Variants in ARHGAP32 observed in about 807,000 individuals in gnomAD.
The protein encoded by ARHGAP32 is rho GTPase-activating protein 32.
A neutral mutation model predicts 186.5 loss-of-function variants in ARHGAP32; 51 were observed. The ratio of observed to expected loss-of-function variants is 0.27; its 90% CI spans 0.22 to 0.35. The LOEUF (loss-of-function observed/expected upper bound fraction) is 0.35. Ranked by LOEUF, ARHGAP32 falls within the 10% of genes least tolerant of loss-of-function variation. ARHGAP32 has a pLI of 1.00. For missense variants in ARHGAP32, 2,186 were observed against 2,623.5 expected, an observed-to-expected ratio of 0.83 and a Z score of 3.64; for synonymous variants, 950 against 964.3, an observed-to-expected ratio of 0.99 and a Z score of 0.27.
intron 3 of ARHGAP32, among the ~76,000 whole-genome samples, chr11:129,124,427 T>C (rs1361792121): frequency 6.6e-6 from 1 of 152,102 alleles, no homozygotes; most frequent in East Asian, 1.9e-4. Flanking sequence ...ACTCTTGGCA[T>C]CTACTTCATG....
Position 128,973,137 on chromosome 11 carries a change from G to A in ARHGAP32, c.3369C>T (p.Leu1123=). 6.2e-7 allele frequency: 1 copy of A among 1,614,192 alleles called. No individual in the cohort carries two copies. The highest frequency in any genetic ancestry group is 8.5e-7 in the Non-Finnish European group (1 of 1,180,038). ...QTDRPAEQFH[L]QNNAPGNCDH... is the part of the protein sequence containing the mutation. ...CACAGTTTCCTGGTGCATTATTCTG[G>A]AGGTGGAACTGCTCTGCTGGTCGAT... Residue 1123 remains leucine, a synonymous_variant, in exon 22 of 23, where the codon CTC becomes CTT. Coordinates refer to ENST00000682385, the MANE Select transcript of ARHGAP32 (RefSeq NM_001378024.1).
chr11:129,139,232 A>G (rs1942997437), intron 2 of ARHGAP32, among the ~76,000 whole-genome samples: 1 of 152,132 alleles, frequency 6.6e-6, no homozygotes, highest in Non-Finnish European at 1.5e-5. Context: ...AGCAAAACTC[A>G]TCATAAAGGT....
intron 2 of ARHGAP32, among the ~76,000 whole-genome samples, chr11:129,143,623 C>CACAAACTAGATGTTTATTTTG (rs1313587610): frequency 5.3e-5 from 8 of 151,988 alleles, no homozygotes; most frequent in Admixed American, 2.6e-4. Context: ...ATAATAGCCC[C>CACAAACTAGATGTTTATTTTG]AAAGCACAAG....
At chr11:129,058,911 T>C (rs929884978) in intron 10 of ARHGAP32, among the ~76,000 whole-genome samples, 6 of 152,094 alleles carry the variant, frequency 3.9e-5, no homozygotes, top group African/African-American at 1.4e-4. Flanking sequence ...CTAACAAAGG[T>C]AGGGGACATC....
chr11:129,001,679 C>T (rs911478354), intron 11 of ARHGAP32, among the ~76,000 whole-genome samples: 1 of 152,136 alleles, frequency 6.6e-6, no homozygotes, highest in African/African-American at 2.4e-5. Flanking sequence ...CTCAACAAAT[C>T]TTTGCCCCCT....
intron 9 of ARHGAP32, 113 bp from the exon 10 acceptor site, chr11:129,062,470 G>A (rs1940540328): frequency 2.8e-6 from 2 of 719,534 alleles, no homozygotes; most frequent in Non-Finnish European, 4.4e-6. Flanking sequence ...TTCATGCTCT[G>A]GCCAGTAATT....
chr11:129,044,195 G>C (rs1028531945), intron 10 of ARHGAP32, among the ~76,000 whole-genome samples: 1 of 152,094 alleles, frequency 6.6e-6, no homozygotes, highest in East Asian at 1.9e-4. Flanking sequence ...TCTAAACATG[G>C]TAATAATAAT....
At position 129,054,740 on chromosome 11, in the gene ARHGAP32, G is replaced by C. The variant is rs1016214130; in HGVS notation, c.963+7540C>G. Among the ~76,000 whole-genome samples the C allele has an allele frequency of 3.9e-5, 6 of 152,100 alleles. No homozygotes were observed. The East Asian group carries it at 9.6e-4, about 24-fold the overall frequency. ...TACTTTCTGAAGTATATTATATGATGAAATACCTCAGACAACAAAGATGAG... is the reference window on the plus strand; with the variant it reads ...TACTTTCTGAAGTATATTATATGATCAAATACCTCAGACAACAAAGATGAG... On this transcript the variant is annotated intron_variant, in intron 10 of 22. Transcript: ENST00000682385.
At position 129,089,383 on chromosome 11, in the gene ARHGAP32, C is replaced by T. The variant is rs1941510938; in HGVS notation, c.531+4238G>A. ...AAGAAATAAGGAGGGATCTACTTCA[C>T]ATAGGGTCAGAAACAGCCTTTCTAA... On this transcript the variant is annotated intron_variant, in intron 6 of 22. Transcript: ENST00000682385. Among the ~76,000 whole-genome samples the T allele has an allele frequency of 2.0e-5, 3 of 152,166 alleles. 1 individual carries two copies. Among genetic ancestry groups the T allele is most frequent in the South Asian group, 4.1e-4 (2 of 4,834 alleles).
chr11:129,119,245 T>G (rs945346170), intron 5 of ARHGAP32, among the ~76,000 whole-genome samples: 1 of 151,980 alleles, frequency 6.6e-6, no homozygotes, highest in African/African-American at 2.4e-5. Flanking sequence ...CAAGGCTAAC[T>G]GCACCAGCTG....
chr11:129,164,552 C>T, intron 1 of ARHGAP32, 125 bp from the exon 2 acceptor site: 1 of 616,514 alleles, frequency 1.6e-6, no homozygotes, highest in Non-Finnish European at 2.8e-6. Context: ...AAGAGCTTAA[C>T]TGAATAGCAG....
intron 8 of ARHGAP32, among the ~76,000 whole-genome samples, chr11:129,064,434 T>C (rs1348424719): frequency 6.6e-6 from 1 of 152,122 alleles, no homozygotes; most frequent in African/African-American, 2.4e-5. Flanking sequence ...ACATTAAGAA[T>C]AAATATGTAA....
Position 129,192,259 on chromosome 11 carries a change from T to A in ARHGAP32, c.-61A>T. On this transcript the variant is annotated 5_prime_UTR_variant, in exon 1 of 23. Coordinates refer to ENST00000682385, the MANE Select transcript of ARHGAP32 (RefSeq NM_001378024.1). ...GGCATGGAATAAAAAGCACCAACAT[T>A]CAGGTTGTTCAGCTCTACTCATGTA... 8.5e-7 allele frequency: 1 copy of A among 1,170,788 alleles called. No homozygotes were observed. The allele number at this position is 1,170,788 out of a possible 1,614,324, so 72.5% of individuals were successfully genotyped here.
chr11:129,037,470 G>A (rs1179937043), intron 11 of ARHGAP32, among the ~76,000 whole-genome samples: 2 of 151,648 alleles, frequency 1.3e-5, no homozygotes, highest in East Asian at 3.9e-4. Context: ...TCCAGCCTGG[G>A]CAACAAAGCA....
chr11:128,993,240 T>G (rs566664626), intron 12 of ARHGAP32: 2 of 152,218 alleles, frequency 1.3e-5, no homozygotes, highest in Non-Finnish European at 2.9e-5. Context: ...ATTTTTATTT[T>G]ATATGGAATG....
intron 11 of ARHGAP32, among the ~76,000 whole-genome samples, chr11:129,009,454 G>C (rs1474583340): frequency 2.6e-5 from 4 of 152,222 alleles, no homozygotes; most frequent in Admixed American, 6.5e-5. Flanking sequence ...ATTAAGCCCA[G>C]TATCCATTAA....
chr11:128,975,040 C>T (rs375966866), intron 20 of ARHGAP32, 38 bp from the exon 21 acceptor site: 13 of 1,547,950 alleles, frequency 8.4e-6, no homozygotes, highest in South Asian at 2.5e-5. Context: ...GTAAGAACAT[C>T]GTAGATACAG....
chr11:129,255,339 A>G (rs1945241269), intron 1 of ARHGAP32, among the ~76,000 whole-genome samples: 1 of 152,138 alleles, frequency 6.6e-6, no homozygotes, highest in Admixed American at 6.6e-5. Flanking sequence ...TCATGTGAAA[A>G]TAAGGTACTG....
At chr11:129,012,239 T>C (rs554726507) in intron 11 of ARHGAP32, among the ~76,000 whole-genome samples, 1 of 152,334 alleles carries the variant, frequency 6.6e-6, no homozygotes, top group East Asian at 1.9e-4. Context: ...AACAACTTTA[T>C]ACATATTGTG....
Sources: gnomAD v4.1 joint callset for allele counts (sites outside exome capture counted in the v4.1 genomes callset) on GRCh38, gnomAD v4.1.1 for gene constraint, MANE v1.5 for transcripts, NCBI Gene and HGNC (gene_info 2026-07-23, HGNC 2026-07-21) for gene names.